The following ASAP2 variants were observed in gnomAD, a reference collection of about 807,000 sequenced individuals.
ASAP2 encodes the protein arf-GAP with SH3 domain, ANK repeat and PH domain-containing protein 2.
Under a neutral mutation model 131.4 loss-of-function variants are expected in ASAP2, and 45 were observed. That is an observed-to-expected ratio of 0.34 (90% CI 0.27 to 0.44). ASAP2 has a LOEUF of 0.44. Among genes scored for constraint, ASAP2 ranks in the 20% least tolerant of loss-of-function variants. ASAP2 has a pLI of 1.00. For missense variants in ASAP2, 1,011 were observed against 1,297.0 expected (o/e 0.78, Z 3.39); for synonymous variants, 510 against 503.0 (o/e 1.01, Z -0.19).
rs758444077 is a variant in ASAP2, at chr2:9,323,166, G to A, written c.516G>A (p.Gly172=). The change falls in exon 6 of 28, where the codon GGG becomes GGA. Residue 172 remains glycine (G), a synonymous_variant. Transcript: ENST00000281419. ...AAAAGGAACACGCCAAGCTCCATGG[G>A]ATGATTCGGACTGAAATAAGCGGAG... ...KEKKEHAKLH[G]MIRTEISGAE... 1 of 1,614,256 alleles carries A rather than the reference G, an allele frequency of 6.2e-7. No individual in the cohort carries two copies. Among genetic ancestry groups the A allele is most frequent in the South Asian group, 1.1e-5 (1 of 91,086 alleles).
chr2:9,318,973 G>GGTGT (rs138509979), intron 4 of ASAP2, among the ~76,000 whole-genome samples: 5,332 of 152,308 alleles, frequency 0.035, 334 homozygotes, highest in African/African-American at 0.12. Flanking sequence ...TCCTAGCAAG[G>GGTGT]GTGTATTTTC....
intron 1 of ASAP2, among the ~76,000 whole-genome samples, chr2:9,255,586 C>T (rs140984635): frequency 6.6e-6 from 1 of 152,266 alleles, no homozygotes; most frequent in African/African-American, 2.4e-5. Context: ...GCCGTGGATT[C>T]GGCAGATGGT....
intron 1 of ASAP2, among the ~76,000 whole-genome samples, chr2:9,229,876 G>A (rs536092293): frequency 6.6e-6 from 1 of 152,308 alleles, no homozygotes; most frequent in Non-Finnish European, 1.5e-5. Context: ...GGGCCAGGCT[G>A]TTGGGGGCAT....
chr2:9,375,908 C>G (rs1674365851), intron 17 of ASAP2, among the ~76,000 whole-genome samples: 1 of 152,228 alleles, frequency 6.6e-6, no homozygotes, highest in South Asian at 2.1e-4. Context: ...CCCCTCCTTT[C>G]CTGGGGGAGC....
chr2:9,279,241 G>A (rs540135283), intron 1 of ASAP2, 76 bp from the exon 2 acceptor site: 7 of 1,389,682 alleles, frequency 5.0e-6, no homozygotes, highest in South Asian at 1.2e-5. Flanking sequence ...AATCAGAGTG[G>A]CACTCAACGT....
At chr2:9,388,980 A>G (rs1035043184) in intron 22 of ASAP2, among the ~76,000 whole-genome samples, 3 of 152,140 alleles carry the variant, frequency 2.0e-5, no homozygotes, top group Non-Finnish European at 4.4e-5. Context: ...CTTCTTACCC[A>G]TGATCCCCAT....
At chr2:9,296,257 G>A (rs975951393) in intron 2 of ASAP2, among the ~76,000 whole-genome samples, 2 of 152,228 alleles carry the variant, frequency 1.3e-5, no homozygotes, top group Non-Finnish European at 2.9e-5. Flanking sequence ...GGTTTCCTTT[G>A]AAAGTGCCTG....
At chr2:9,373,754 A>G (rs1674167175) in intron 16 of ASAP2, among the ~76,000 whole-genome samples, 1 of 152,154 alleles carries the variant, frequency 6.6e-6, no homozygotes, top group Non-Finnish European at 1.5e-5. Flanking sequence ...CTGTGTTACA[A>G]ATGGATGCAA....
chr2:9,402,357 C>A (rs576554543), intron 27 of ASAP2, among the ~76,000 whole-genome samples: 2 of 152,284 alleles, frequency 1.3e-5, no homozygotes, highest in East Asian at 3.9e-4. Flanking sequence ...GGCCTGGGCG[C>A]GGTGGCTCAC....
chr2:9,267,813 G>A (rs1024803670), intron 1 of ASAP2, among the ~76,000 whole-genome samples: 8 of 145,286 alleles, frequency 5.5e-5, no homozygotes, highest in African/African-American at 1.6e-4. Flanking sequence ...CCTGAGAATC[G>A]CTTGAACCCA....
intron 1 of ASAP2, among the ~76,000 whole-genome samples, chr2:9,247,351 C>T (rs970009744): frequency 2.6e-5 from 4 of 152,160 alleles, no homozygotes; most frequent in Non-Finnish European, 5.9e-5. Flanking sequence ...TCCGCAGATG[C>T]CTAGGGAGTC....
intron 24 of ASAP2, 165 bp from the exon 25 acceptor site, chr2:9,399,858 T>C: frequency 2.9e-6 from 2 of 680,554 alleles, no homozygotes; most frequent in Non-Finnish European, 2.5e-6. Flanking sequence ...CCTCAGGGCC[T>C]CTCATTCTTC....
rs1331926447 is a variant in ASAP2, at chr2:9,225,701, G to A, written c.126+18471G>A. Among the ~76,000 whole-genome samples the A allele has an allele frequency of 5.3e-5, 8 of 152,212 alleles. No individual in the cohort carries two copies. In the East Asian group the frequency reaches 1.5e-3, roughly 29 times the overall value. ...GGTTTGGGATCCTGGGGGAGATGGAGCAGGCTGGAAAGGTTAGGGGCAGGG... is the reference window on the plus strand; with the variant it reads ...GGTTTGGGATCCTGGGGGAGATGGAACAGGCTGGAAAGGTTAGGGGCAGGG... On this transcript the variant is annotated intron_variant, in intron 1 of 27. Coordinates refer to ENST00000281419, the MANE Select transcript of ASAP2 (RefSeq NM_003887.3).
rs376283643 is a variant in ASAP2, at chr2:9,237,051, C to A, written c.126+29821C>A. 1.1e-4 allele frequency among the ~76,000 whole-genome samples: 16 copies of A among 152,196 alleles called. 1 individual carries two copies. In the East Asian group the frequency reaches 1.4e-3, roughly 13 times the overall value. ...GGCCATGGCCAAGGGGAGGGGAAGG[C>A]AGGAACAGCTTGGAGAAATAGGCAA... On this transcript the variant is annotated intron_variant, in intron 1 of 27. Coordinates refer to ENST00000281419, the MANE Select transcript of ASAP2 (RefSeq NM_003887.3).
rs1198470214 is a variant in ASAP2 at position 9,401,292 on chromosome 2, C to A, written c.2842C>A (p.Arg948=). 1 of 1,613,496 alleles carries A rather than the reference C, an allele frequency of 6.2e-7. No homozygotes were observed. Among genetic ancestry groups the A allele is most frequent in the Non-Finnish European group, 8.5e-7 (1 of 1,179,912 alleles). Residue 948 remains arginine (R), a synonymous_variant, in exon 27 of 28, where the codon CGG becomes AGG. Coordinates refer to ENST00000281419, the MANE Select transcript of ASAP2 (RefSeq NM_003887.3). Reference sequence around the variant, plus strand: ...GACCCAGACCAAGTTGAAGCCTAAGCGGGTGAAAGCGCTCTATAACTGTGT... The same window carrying A: ...GACCCAGACCAAGTTGAAGCCTAAGAGGGTGAAAGCGCTCTATAACTGTGT... ...KSQATKLKPK[R]VKALYNCVAD... is the part of the protein sequence containing the mutation.
rs775597067 is a variant in ASAP2 at position 9,383,984 on chromosome 2, CG to C, written c.2017-1257del. Among the ~76,000 whole-genome samples, 122 of 151,000 alleles carry C rather than the reference CG, an allele frequency of 8.1e-4. 1 individual carries two copies. The highest frequency in any genetic ancestry group is 1.6e-3 in the Non-Finnish European group (109 of 67,788). ...ACAGTGAGAACACTTGGACACAGGG[CG>C]GGGAACATCACAAACCGGGGCCTGT... is the stretch of plus-strand genomic sequence containing the variant. On this transcript the variant is annotated intron_variant, in intron 20 of 27. Coordinates refer to ENST00000281419, the MANE Select transcript of ASAP2 (RefSeq NM_003887.3).
At chr2:9,240,983 G>A (rs943054050) in intron 1 of ASAP2, among the ~76,000 whole-genome samples, 7 of 152,252 alleles carry the variant, frequency 4.6e-5, no homozygotes, top group Non-Finnish European at 8.8e-5. Context: ...CACGTCCCGC[G>A]TGGGAGGCAG....
rs1572343097 is a variant in ASAP2, at chr2:9,281,032, T to C, written c.199+1643T>C. Among the ~76,000 whole-genome samples, 3 of 152,240 alleles carry C rather than the reference T, an allele frequency of 2.0e-5. No individual in the cohort carries two copies. The East Asian group carries it at 5.8e-4, about 29-fold the overall frequency. ...TGTTTCAAAGCCACCATGCCTTCAGTGTGTCTGTCACACGGGTGACATCTT... is the reference window on the plus strand; with the variant it reads ...TGTTTCAAAGCCACCATGCCTTCAGCGTGTCTGTCACACGGGTGACATCTT... On this transcript the variant is annotated intron_variant, in intron 2 of 27. Coordinates refer to ENST00000281419, the MANE Select transcript of ASAP2 (RefSeq NM_003887.3). This position sits in a 1 kb window ranked among gnomAD's most constrained non-coding sequence, Gnocchi z 4.0.
At chr2:9,347,408 T>A (rs1672038881) in intron 11 of ASAP2, among the ~76,000 whole-genome samples, 1 of 152,332 alleles carries the variant, frequency 6.6e-6, no homozygotes, top group East Asian at 1.9e-4. Context: ...GGCCAGCAGC[T>A]CCTGAGTGTG....
Sources: gnomAD v4.1 joint callset for allele counts (sites outside exome capture counted in the v4.1 genomes callset) on GRCh38, gnomAD v4.1.1 for gene constraint, Gnocchi (gnomAD v3.1) non-coding constraint, MANE v1.5 for transcripts, NCBI Gene and HGNC (gene_info 2026-07-23, HGNC 2026-07-21) for gene names.